Variants in EEPD1 observed in about 807,000 individuals in gnomAD.
EEPD1 encodes the protein endonuclease/exonuclease/phosphatase family domain containing 1.
A neutral mutation model predicts 46.3 loss-of-function variants in EEPD1; 17 were observed. That is an observed-to-expected ratio of 0.37 (90% CI 0.25 to 0.55). The LOEUF is 0.55. Ranked by LOEUF, EEPD1 falls within the 20% of genes least tolerant of loss-of-function variation. The probability of loss-of-function intolerance (pLI) is 0.83; values close to 1 mark genes in which losing one functional copy is unlikely to be tolerated. For synonymous variants in EEPD1, 313 were observed against 315.6 expected, an observed-to-expected ratio of 0.99 and a Z score of 0.09; for missense variants, 673 against 745.6, an observed-to-expected ratio of 0.90 and a Z score of 1.13.
chr7:36,172,969 CT>C (rs1490664066), intron 2 of EEPD1, among the ~76,000 whole-genome samples: 1 of 152,046 alleles, frequency 6.6e-6, no homozygotes, highest in Non-Finnish European at 1.5e-5. Context: ...CTGGTACTAC[CT>C]CCAGGTAGAT....
intron 3 of EEPD1, among the ~76,000 whole-genome samples, chr7:36,245,631 C>T (rs922544841): frequency 6.6e-6 from 1 of 152,176 alleles, no homozygotes; most frequent in African/African-American, 2.4e-5. Context: ...TGACTTGTCA[C>T]TTATTTTTAA....
At chr7:36,156,432 A>G (rs1305327213) in intron 2 of EEPD1, among the ~76,000 whole-genome samples, 1 of 152,112 alleles carries the variant, frequency 6.6e-6, no homozygotes. Context: ...TCCTTCTGCA[A>G]AGTCTTCTTG....
chr7:36,155,533 C>T (rs1053078448), intron 2 of EEPD1, among the ~76,000 whole-genome samples: 1 of 152,136 alleles, frequency 6.6e-6, no homozygotes, highest in Non-Finnish European at 1.5e-5. Context: ...AGCATGGGAA[C>T]TGGTGCAGTT....
chr7:36,191,913 C>G (rs1562680484), intron 2 of EEPD1, among the ~76,000 whole-genome samples: 1 of 152,128 alleles, frequency 6.6e-6, no homozygotes, highest in Non-Finnish European at 1.5e-5. Flanking sequence ...TTGTGAGACC[C>G]CTGCTACATG....
At chr7:36,257,770 T>C (rs1786850256) in intron 3 of EEPD1, among the ~76,000 whole-genome samples, 1 of 152,222 alleles carries the variant, frequency 6.6e-6, no homozygotes, top group African/African-American at 2.4e-5. Flanking sequence ...GGTTAGAACA[T>C]GCTCCTTTAG....
At chr7:36,273,255 A>G (rs1441629510) in intron 3 of EEPD1, among the ~76,000 whole-genome samples, 2 of 151,916 alleles carry the variant, frequency 1.3e-5, no homozygotes, top group African/African-American at 4.8e-5. Flanking sequence ...GTCGAATGGG[A>G]CTGTTATTCC....
chr7:36,230,327 C>T (rs976475871), intron 2 of EEPD1, among the ~76,000 whole-genome samples: 11 of 152,034 alleles, frequency 7.2e-5, no homozygotes, highest in African/African-American at 1.7e-4. Context: ...TCTGTGCCCC[C>T]GGGCCTCTGC....
rs113986478 is a variant in EEPD1, at chr7:36,248,951, T to C, written c.930+9915T>C. Among the ~76,000 whole-genome samples, 652 of 149,684 alleles carry C rather than the reference T, an allele frequency of 4.4e-3. 5 individuals carry two copies. Among genetic ancestry groups the C allele is most frequent in the African/African-American group, 0.016 (631 of 40,494 alleles). ...CACCCAGGACCTCGCTGCCGGAAAG[T>C]GGGCATTTTAGTTAATTATGGGCTA... On this transcript the variant is annotated intron_variant, in intron 3 of 7. Transcript: ENST00000242108.
intron 2 of EEPD1, among the ~76,000 whole-genome samples, chr7:36,170,103 C>T (rs563454012): frequency 3.9e-5 from 6 of 152,248 alleles, no homozygotes; most frequent in East Asian, 1.9e-4. Flanking sequence ...TTTCTATGTA[C>T]GTTCAAAATT....
chr7:36,283,900 A>G (rs1203007701), intron 4 of EEPD1, among the ~76,000 whole-genome samples: 1 of 152,236 alleles, frequency 6.6e-6, no homozygotes, highest in Non-Finnish European at 1.5e-5. Flanking sequence ...GCTCCCAGGC[A>G]GCGGGTGCTG....
chr7:36,266,734 C>A (rs1787024973), intron 3 of EEPD1, among the ~76,000 whole-genome samples: 1 of 152,172 alleles, frequency 6.6e-6, no homozygotes, highest in African/African-American at 2.4e-5. Flanking sequence ...GTCACTCCCC[C>A]TTCCCCTCTT....
intron 3 of EEPD1, among the ~76,000 whole-genome samples, chr7:36,251,410 A>G (rs908360323): frequency 3.9e-5 from 6 of 152,168 alleles, no homozygotes. Context: ...TCCCGGGTTC[A>G]AGCAATTCTC....
intron 3 of EEPD1, among the ~76,000 whole-genome samples, chr7:36,271,265 G>A (rs1405739652): frequency 1.3e-5 from 2 of 152,062 alleles, no homozygotes; most frequent in African/African-American, 4.8e-5. Flanking sequence ...GAGCCACCAC[G>A]CCTGGCCTAT....
At chr7:36,224,169 A>G (rs888419413) in intron 2 of EEPD1, among the ~76,000 whole-genome samples, 6 of 152,182 alleles carry the variant, frequency 3.9e-5, no homozygotes, top group Non-Finnish European at 7.3e-5. Flanking sequence ...TGCTGTTGGG[A>G]AAAAAAGCTT....
intron 2 of EEPD1, among the ~76,000 whole-genome samples, chr7:36,214,535 T>C (rs1266157387): frequency 2.0e-5 from 3 of 152,312 alleles, no homozygotes; most frequent in South Asian, 4.1e-4. Flanking sequence ...AATTTGGTCT[T>C]ATATCCCATT....
intron 2 of EEPD1, among the ~76,000 whole-genome samples, chr7:36,236,153 C>T (rs143417567): frequency 6.6e-6 from 1 of 152,350 alleles, no homozygotes; most frequent in East Asian, 1.9e-4. Flanking sequence ...TAGCAGCCCT[C>T]GCTCACTCTC....
rs1361138371 is a variant in EEPD1, at chr7:36,180,866, A to G, written c.878+25664A>G. On this transcript the variant is annotated intron_variant, in intron 2 of 7. Transcript: ENST00000242108. ...GGCTCAGGCCCCCCACCCCCTCATCATGCACCTGGACTTCTGCATCAGGGT... is the reference window on the plus strand; with the variant it reads ...GGCTCAGGCCCCCCACCCCCTCATCGTGCACCTGGACTTCTGCATCAGGGT... Among the ~76,000 whole-genome samples, 4 of 140,942 alleles carry G rather than the reference A, an allele frequency of 2.8e-5. No individual in the cohort carries two copies. The Admixed American group carries it at 2.9e-4, about 10-fold the overall frequency. The allele number at this position is 140,942 out of a possible 152,430, so 92.5% of individuals were successfully genotyped here. A position where few individuals can be genotyped will look rare whatever the true frequency, so the allele number is the denominator to read the frequency against.
At chr7:36,180,834 C>G (rs1785259307) in intron 2 of EEPD1, among the ~76,000 whole-genome samples, 1 of 152,084 alleles carries the variant, frequency 6.6e-6, no homozygotes, top group African/African-American at 2.4e-5. Context: ...CTGTCCCTTG[C>G]TCTGCAGGCT....
chr7:36,156,199 T>C (rs1784822601), intron 2 of EEPD1, among the ~76,000 whole-genome samples: 1 of 152,058 alleles, frequency 6.6e-6, no homozygotes. Flanking sequence ...AGCAGTTTGG[T>C]GACACGAAGT....
Sources: gnomAD v4.1 joint callset for allele counts (sites outside exome capture counted in the v4.1 genomes callset) on GRCh38, gnomAD v4.1.1 for gene constraint, MANE v1.5 for transcripts, NCBI Gene and HGNC (gene_info 2026-07-23, HGNC 2026-07-21) for gene names.